SLC18A1: variants seen among roughly 807,000 people sequenced by gnomAD.
The protein encoded by SLC18A1 is chromaffin granule amine transporter.
SLC18A1 carries 69 observed loss-of-function variants against 53.7 expected under a neutral mutation model. That is an observed-to-expected ratio of 1.28 (90% CI 1.06 to 1.57). The LOEUF is 1.57. SLC18A1 is among the 40% of genes most tolerant of loss of function. The pLI, the probability that SLC18A1 is intolerant of heterozygous loss-of-function variation, is 0.00. For synonymous variants in SLC18A1, 320 were observed against 248.1 expected, an observed-to-expected ratio of 1.29 and a Z score of -2.72; for missense variants, 932 against 668.1, an observed-to-expected ratio of 1.40 and a Z score of -4.35.
In SLC18A1 at chr8:20,162,557, C is replaced by A. The variant is rs571019950; in HGVS notation, c.1015+2312G>T. 3.9e-5 allele frequency among the ~76,000 whole-genome samples: 6 copies of A among 152,326 alleles called. No individual in the cohort carries two copies. The South Asian group carries it at 1.2e-3, about 32-fold the overall frequency. ...AAGCTTTGCTGCTTAGATATTTCTT[C>A]TGCCAGATATCCTAGTTTATTGCCT... On this transcript the variant is annotated intron_variant, in intron 10 of 15. Coordinates refer to ENST00000276373, the MANE Select transcript of SLC18A1 (RefSeq NM_003053.4).
chr8:20,161,335 A>T (rs1437126261), intron 10 of SLC18A1, among the ~76,000 whole-genome samples: 3 of 152,236 alleles, frequency 2.0e-5, no homozygotes, highest in African/African-American at 7.2e-5. Context: ...CTAATCGCAG[A>T]TCAAAAATAT....
intron 6 of SLC18A1, among the ~76,000 whole-genome samples, chr8:20,172,326 G>A (rs1310638614): frequency 6.6e-6 from 1 of 152,224 alleles, no homozygotes; most frequent in South Asian, 2.1e-4. Context: ...TGTTTCCTCT[G>A]CTTCCCATGG....
intron 5 of SLC18A1, 66 bp from the exon 6 acceptor site, chr8:20,173,194 G>C: frequency 8.5e-7 from 1 of 1,180,310 alleles, no homozygotes; most frequent in South Asian, 1.3e-5. Context: ...CAGAGCCCTT[G>C]GTCCCACCCT....
At chr8:20,181,853 G>C (rs1003683533) in intron 1 of SLC18A1, 15 of 152,170 alleles carry the variant, frequency 9.9e-5, no homozygotes, top group African/African-American at 2.9e-4. Context: ...TTTTCAACTT[G>C]CCAGCTTATC....
rs1403660566 is a variant in SLC18A1, at chr8:20,171,411, C to G, written c.808G>C (p.Asp270His). 4 of 1,613,852 alleles carry G rather than the reference C, an allele frequency of 2.5e-6. No individual in the cohort carries two copies. The highest frequency in any genetic ancestry group is 2.5e-6 in the Non-Finnish European group (3 of 1,179,766). The change falls in exon 7 of 16, where the codon GAT becomes CAT. Residue 270 changes from aspartate (D) to histidine (H), a missense_variant. By Grantham distance (81) the Asp-to-His change is moderately conservative. Transcript: ENST00000276373. ...FLILAFLALL[D>H]GALQLCILQP... Reference sequence around the variant, plus strand: ...GGCTCTGATGGTGACTTACCTCCATCCAGTAGTGCCAGGAAGGCCAGGATG... The same window carrying G: ...GGCTCTGATGGTGACTTACCTCCATGCAGTAGTGCCAGGAAGGCCAGGATG...
At chr8:20,168,019 G>A (rs1219777962) in intron 8 of SLC18A1, among the ~76,000 whole-genome samples, 2 of 152,080 alleles carry the variant, frequency 1.3e-5, no homozygotes, top group African/African-American at 4.8e-5. Flanking sequence ...CAAGATGAAC[G>A]TAGGACATAT....
intron 5 of SLC18A1, 102 bp downstream of exon 5, chr8:20,174,258 AT>A: frequency 1.1e-6 from 1 of 894,458 alleles, no homozygotes; most frequent in South Asian, 1.4e-5. Context: ...TCCAGGTGAC[AT>A]TTTCCTTAAT....
intron 8 of SLC18A1, among the ~76,000 whole-genome samples, chr8:20,169,217 A>G (rs2072049174): frequency 1.3e-5 from 2 of 152,218 alleles, no homozygotes; most frequent in South Asian, 2.1e-4. Flanking sequence ...GATAATTGTC[A>G]CAAATGTCAA....
chr8:20,159,471 G>A (rs1286673924), intron 10 of SLC18A1, among the ~76,000 whole-genome samples: 1 of 151,876 alleles, frequency 6.6e-6, no homozygotes, highest in Non-Finnish European at 1.5e-5. Flanking sequence ...CTAAAAGCAG[G>A]AGGTAAAGAA....
chr8:20,172,999 C>A, intron 6 of SLC18A1, 37 bp downstream of exon 6: 4 of 1,413,516 alleles, frequency 2.8e-6, no homozygotes, highest in East Asian at 2.5e-5. Flanking sequence ...TAGAGTCCCA[C>A]CCTCCCGAAC....
chr8:20,164,935 C>T lies in SLC18A1; in HGVS notation c.949G>A (p.Ala317Thr). The T allele has an allele frequency of 2.5e-6, 4 of 1,613,846 alleles. No individual in the cohort carries two copies. The highest frequency in any genetic ancestry group is 3.4e-6 in the Non-Finnish European group (4 of 1,179,818). Residue 317 changes from alanine to threonine, a missense_variant, in exon 10 of 16, where the codon GCC becomes ACC. Physicochemically the swap from Ala to Thr is moderately conservative, Grantham distance 58. Coordinates refer to ENST00000276373, the MANE Select transcript of SLC18A1 (RefSeq NM_003053.4). ...GSICFANMGV[A>T]ILEPTLPIWM... ...ATGGGCAGTGTGGGCTCCAGGATGG[C>T]CACCCCCATGTTGGCAAAGCAGATG... is the stretch of plus-strand genomic sequence containing the variant.
At chr8:20,160,383 C>T (rs2071795575) in intron 10 of SLC18A1, among the ~76,000 whole-genome samples, 1 of 150,612 alleles carries the variant, frequency 6.6e-6, no homozygotes, top group Non-Finnish European at 1.5e-5. Context: ...TTCTTTAGGA[C>T]CTGATTATAG....
rs566028301 is a variant in SLC18A1, at chr8:20,164,214, G to A, written c.1015+655C>T. On this transcript the variant is annotated intron_variant, in intron 10 of 15. Coordinates refer to ENST00000276373, the MANE Select transcript of SLC18A1 (RefSeq NM_003053.4). ...TAGCCTTCCCTGTCCTCTTTCCTCA[G>A]GGTTCCTGGGAAGGGCTAGATCCTC... 1.5e-3 allele frequency among the ~76,000 whole-genome samples: 228 copies of A among 152,182 alleles called. 8 individuals carry two copies. In the South Asian group the frequency reaches 0.045, roughly 30 times the overall value.
At chr8:20,162,337 A>G (rs2071851373) in intron 10 of SLC18A1, among the ~76,000 whole-genome samples, 1 of 152,130 alleles carries the variant, frequency 6.6e-6, no homozygotes, top group African/African-American at 2.4e-5. Flanking sequence ...ATCCACACTA[A>G]TCACTTTAGG....
At chr8:20,170,804 T>C (rs2072094278) in intron 8 of SLC18A1, among the ~76,000 whole-genome samples, 1 of 150,984 alleles carries the variant, frequency 6.6e-6, no homozygotes, top group Non-Finnish European at 1.5e-5. Flanking sequence ...TACATGAATA[T>C]ATATATACAT....
intron 8 of SLC18A1, among the ~76,000 whole-genome samples, chr8:20,168,429 C>T (rs1358476053): frequency 6.6e-6 from 1 of 152,062 alleles, no homozygotes; most frequent in Admixed American, 6.5e-5. Context: ...CATGATTCTA[C>T]ACTGATAATA....
intron 8 of SLC18A1, among the ~76,000 whole-genome samples, chr8:20,168,193 G>C (rs995536906): frequency 2.0e-5 from 3 of 152,004 alleles, no homozygotes; most frequent in African/African-American, 7.3e-5. Flanking sequence ...GGGCAACACA[G>C]GCAGACCCGG....
At chr8:20,146,195 G>T (rs550015681) in intron 15 of SLC18A1, among the ~76,000 whole-genome samples, 29 of 152,104 alleles carry the variant, frequency 1.9e-4, no homozygotes, top group Non-Finnish European at 4.0e-4. Context: ...GATTACAGGC[G>T]TGAGCCACCG....
chr8:20,177,464 G>T lies in SLC18A1; in HGVS notation c.547+971C>A, dbSNP rs549017239. Among the ~76,000 whole-genome samples the T allele has an allele frequency of 5.3e-5, 8 of 152,256 alleles. No individual in the cohort carries two copies. The East Asian group carries it at 1.5e-3, about 29-fold the overall frequency. ...AGAGAACACATGGACACCGGAAGGG[G>T]AACTTCACACACCGGGGCCTGTCAT... On this transcript the variant is annotated intron_variant, in intron 4 of 15. Coordinates refer to ENST00000276373, the MANE Select transcript of SLC18A1 (RefSeq NM_003053.4).
Sources: gnomAD v4.1 joint callset for allele counts (sites outside exome capture counted in the v4.1 genomes callset) on GRCh38, gnomAD v4.1.1 for gene constraint, MANE v1.5 for transcripts, NCBI Gene and HGNC (gene_info 2026-07-23, HGNC 2026-07-21) for gene names.